Variants in CTNNA3 observed in about 807,000 individuals in gnomAD.
The protein encoded by CTNNA3 is catenin alpha-3.
In CTNNA3, 76 loss-of-function variants were observed where a neutral mutation model predicts 95.7. The ratio of observed to expected loss-of-function variants is 0.79; its 90% CI spans 0.66 to 0.96. The LOEUF (loss-of-function observed/expected upper bound fraction) is 0.96. CTNNA3 is among the 40% of genes least tolerant of loss of function. The probability of loss-of-function intolerance (pLI) is 0.00; values close to 1 mark genes in which losing one functional copy is unlikely to be tolerated. For missense variants in CTNNA3, 1,191 were observed against 1,089.8 expected (o/e 1.09, Z -1.31); for synonymous variants, 431 against 374.4 (o/e 1.15, Z -1.74).
intron 7 of CTNNA3, among the ~76,000 whole-genome samples, chr10:66,812,626 G>A (rs1265432012): frequency 2.6e-5 from 4 of 152,048 alleles, no homozygotes; most frequent in African/African-American, 4.8e-5. Context: ...AATTAAATAC[G>A]TTAGTACATA....
chr10:66,349,122 CTCTT>C (rs947277742), intron 12 of CTNNA3, among the ~76,000 whole-genome samples: 2 of 152,094 alleles, frequency 1.3e-5, no homozygotes, highest in African/African-American at 4.8e-5. Context: ...TGGAGTCTCT[CTCTT>C]CCTTGATGGC....
At chr10:66,218,822 T>C (rs2088722533) in intron 13 of CTNNA3, among the ~76,000 whole-genome samples, 1 of 152,194 alleles carries the variant, frequency 6.6e-6, no homozygotes, top group African/African-American at 2.4e-5. Flanking sequence ...TAGTGATATC[T>C]TAAAGAGCCT....
At chr10:66,335,417 G>A (rs2132335502) in intron 12 of CTNNA3, among the ~76,000 whole-genome samples, 1 of 152,062 alleles carries the variant, frequency 6.6e-6, no homozygotes, top group South Asian at 2.1e-4. Flanking sequence ...TGGTGTGGAT[G>A]TCCTTTCTGT....
At chr10:67,231,235 C>T (rs1865191896) in intron 5 of CTNNA3, among the ~76,000 whole-genome samples, 1 of 152,382 alleles carries the variant, frequency 6.6e-6, no homozygotes, top group East Asian at 1.9e-4. Context: ...CACAGACAAA[C>T]AGAAAGACAG....
At chr10:66,839,960 G>A (rs1292143064) in intron 7 of CTNNA3, among the ~76,000 whole-genome samples, 2 of 152,050 alleles carry the variant, frequency 1.3e-5, no homozygotes, top group East Asian at 3.9e-4. Context: ...TATCTGATTT[G>A]GGGTGGTAGG....
chr10:67,079,080 T>C (rs151013810), intron 7 of CTNNA3, among the ~76,000 whole-genome samples: 1 of 152,296 alleles, frequency 6.6e-6, no homozygotes, highest in East Asian at 1.9e-4. Context: ...CAATAATTCA[T>C]AATATCTGGG....
chr10:66,924,448 T>C (rs1589430920), intron 7 of CTNNA3, among the ~76,000 whole-genome samples: 1 of 152,218 alleles, frequency 6.6e-6, no homozygotes, highest in Admixed American at 6.5e-5. Context: ...GCAGATGTTA[T>C]TATGTTCTAC....
intron 5 of CTNNA3, among the ~76,000 whole-genome samples, chr10:67,409,527 GTGAAT>G (rs1845284341): frequency 6.6e-6 from 1 of 151,782 alleles, no homozygotes; most frequent in Admixed American, 6.6e-5. Context: ...TAAGTGGGAG[GTGAAT>G]GATGAGAACA....
intron 11 of CTNNA3, among the ~76,000 whole-genome samples, chr10:66,443,822 G>A (rs2093395166): frequency 6.6e-6 from 1 of 152,194 alleles, no homozygotes; most frequent in African/African-American, 2.4e-5. Flanking sequence ...AAGCTGGACG[G>A]AGAATGACAT....
intron 11 of CTNNA3, among the ~76,000 whole-genome samples, chr10:66,495,645 T>G (rs547835089): frequency 4.3e-5 from 6 of 138,768 alleles, no homozygotes; most frequent in South Asian, 2.6e-4. Context: ...TTTTGGGGTG[T>G]TGTTGTTGTT....
At chr10:66,625,208 A>G (rs1844891616) in intron 9 of CTNNA3, among the ~76,000 whole-genome samples, 1 of 152,022 alleles carries the variant, frequency 6.6e-6, no homozygotes, top group Non-Finnish European at 1.5e-5. Context: ...CCTTCCCACC[A>G]TTCCTTCTGC....
intron 15 of CTNNA3, among the ~76,000 whole-genome samples, chr10:66,007,772 T>TCCTC (rs2078924406): frequency 3.3e-5 from 1 of 30,090 alleles, no homozygotes; most frequent in African/African-American, 1.7e-4. Flanking sequence ...CTCCCTCTCT[T>TCCTC]CCTTCCTTTC....
At chr10:66,615,760 T>C (rs1220779355) in intron 10 of CTNNA3, among the ~76,000 whole-genome samples, 1 of 151,968 alleles carries the variant, frequency 6.6e-6, no homozygotes, top group Non-Finnish European at 1.5e-5. Context: ...AGATCCAGGT[T>C]TGAAATTCAT....
chr10:66,486,853 A>G (rs1839745570), intron 11 of CTNNA3, among the ~76,000 whole-genome samples: 1 of 151,922 alleles, frequency 6.6e-6, no homozygotes, highest in Admixed American at 6.6e-5. Context: ...ACACAAAATG[A>G]AATATCAGTC....
chr10:65,946,836 T>G (rs2077522991), intron 17 of CTNNA3, among the ~76,000 whole-genome samples: 1 of 131,480 alleles, frequency 7.6e-6, no homozygotes, highest in Non-Finnish European at 1.7e-5. Context: ...AGTGTTAATC[T>G]TGCCAAAAAA....
At chr10:66,792,036 CATG>C (rs1488327407) in intron 7 of CTNNA3, among the ~76,000 whole-genome samples, 2 of 152,132 alleles carry the variant, frequency 1.3e-5, no homozygotes, top group Non-Finnish European at 2.9e-5. Flanking sequence ...AATTATAAGT[CATG>C]ATGACACATT....
intron 1 of CTNNA3, among the ~76,000 whole-genome samples, chr10:67,726,553 TATAATATAA>T (rs1397966289): frequency 5.8e-5 from 4 of 68,608 alleles, no homozygotes; most frequent in Admixed American, 2.6e-4. Flanking sequence ...TTACATATTA[TATAATATAA>T]TATATATTAC....
intron 7 of CTNNA3, among the ~76,000 whole-genome samples, chr10:67,061,738 CTT>C (rs1855767753): frequency 6.6e-6 from 1 of 152,118 alleles, no homozygotes; most frequent in Non-Finnish European, 1.5e-5. Flanking sequence ...TAATATGTAT[CTT>C]TGTTTCTAAA....
intron 5 of CTNNA3, among the ~76,000 whole-genome samples, chr10:67,483,047 C>A (rs1270192961): frequency 2.0e-5 from 3 of 152,114 alleles, no homozygotes; most frequent in East Asian, 1.9e-4. Context: ...CAGAGAAATG[C>A]AAATCAAAAC....
Sources: gnomAD v4.1 joint callset for allele counts (sites outside exome capture counted in the v4.1 genomes callset) on GRCh38, gnomAD v4.1.1 for gene constraint, MANE v1.5 for transcripts, NCBI Gene and HGNC (gene_info 2026-07-23, HGNC 2026-07-21) for gene names.